SVEP1: variants seen among roughly 807,000 people sequenced by gnomAD.
SVEP1 encodes the protein sushi, von Willebrand factor type A, EGF and pentraxin domain-containing protein 1.
A neutral mutation model predicts 367.3 loss-of-function variants in SVEP1; 164 were observed. That is an observed-to-expected ratio of 0.45 (90% CI 0.39 to 0.51). The LOEUF is 0.51. SVEP1 is among the 20% of genes least tolerant of loss of function. The pLI, the probability that SVEP1 is intolerant of heterozygous loss-of-function variation, is 0.00. For missense variants in SVEP1, 4,117 were observed against 4,425.3 expected (o/e 0.93, Z 1.98); for synonymous variants, 1,666 against 1,611.6 (o/e 1.03, Z -0.81).
intron 37 of SVEP1, among the ~76,000 whole-genome samples, chr9:110,410,674 A>AT (rs996654096): frequency 2.0e-5 from 3 of 151,992 alleles, no homozygotes; most frequent in Non-Finnish European, 2.9e-5. Flanking sequence ...ATCTTCATTA[A>AT]TTTTTTTTCC....
At chr9:110,558,060 G>A (rs549140580) in intron 1 of SVEP1, among the ~76,000 whole-genome samples, 91 of 152,104 alleles carry the variant, frequency 6.0e-4, no homozygotes, top group African/African-American at 2.0e-3. Context: ...TATAATATGG[G>A]ACAGTGTAAA....
intron 47 of SVEP1, among the ~76,000 whole-genome samples, chr9:110,369,308 G>GAAATAAGA (rs1201530172): frequency 6.6e-6 from 1 of 152,040 alleles, no homozygotes; most frequent in Non-Finnish European, 1.5e-5. Flanking sequence ...TATCTGGTCA[G>GAAATAAGA]AAATAAGAAA....
rs71371668 is a variant in SVEP1, at chr9:110,434,666, T to TAAAAAAAAAAAAAAAAAAAAAAA, written c.4889-161_4889-160insTTTTTTTTTTTTTTTTTTTTTTT. Among the ~76,000 whole-genome samples the TAAAAAAAAAAAAAAAAAAAAAAA allele has an allele frequency of 2.7e-4, 11 of 40,618 alleles. 1 individual carries two copies. The highest frequency in any genetic ancestry group is 2.9e-4 in the Non-Finnish European group (7 of 23,972). The allele number at this position is 40,618 out of a possible 152,430, so 26.6% of individuals were successfully genotyped here. On this transcript the variant is annotated intron_variant, in intron 29 of 47. Transcript: ENST00000374469. ...CCAGATCACTGGCAAGCAAAATCAC[T>TAAAAAAAAAAAAAAAAAAAAAAA]AAAAAAAAAAAAAAAAAAAAGCATT...
At chr9:110,425,202 G>A (rs564436747) in intron 36 of SVEP1, among the ~76,000 whole-genome samples, 3 of 152,078 alleles carry the variant, frequency 2.0e-5, no homozygotes, top group Admixed American at 1.3e-4. Context: ...AAGACTACAC[G>A]TGGTAGTGAT....
chr9:110,473,249 CAT>C (rs771382031), intron 14 of SVEP1, among the ~76,000 whole-genome samples: 2 of 152,044 alleles, frequency 1.3e-5, no homozygotes, highest in Non-Finnish European at 1.5e-5. Flanking sequence ...GGATTAATAT[CAT>C]CTTTTTACTT....
At position 110,479,532 on chromosome 9, in the gene SVEP1, AAAG is replaced by A. The variant is rs1352672976; in HGVS notation, c.2487+100_2487+102del. ...AATATTAGGTACATGTCTGGATCAC[AAAG>A]AAGAGGGAAATAGGATGAGAAATCG... On this transcript the variant is annotated intron_variant, in intron 13 of 47. Coordinates refer to ENST00000374469, the MANE Select transcript of SVEP1 (RefSeq NM_153366.4). 211 of 1,372,802 alleles carry A rather than the reference AAAG, an allele frequency of 1.5e-4. 1 individual carries two copies. In the East Asian group the frequency reaches 5.2e-3, roughly 34 times the overall value. The allele number at this position is 1,372,802 out of a possible 1,614,324, so 85.0% of individuals were successfully genotyped here. A position where few individuals can be genotyped will look rare whatever the true frequency, so the allele number is the denominator to read the frequency against.
In SVEP1 at chr9:110,457,277, G is replaced by A; in HGVS notation, c.3652C>T (p.Leu1218Phe). 6.2e-7 allele frequency: 1 copy of A among 1,611,916 alleles called. No homozygotes were observed. Among genetic ancestry groups the A allele is most frequent in the Non-Finnish European group, 8.5e-7 (1 of 1,179,412 alleles). The change falls in exon 21 of 48, where the codon CTC becomes TTC. Residue 1218 changes from leucine to phenylalanine, a missense_variant. Physicochemically the swap from Leu to Phe is conservative, Grantham distance 22. Transcript: ENST00000374469. ...CQQLGRGYVC[L>F]CPLGYTGLKC... is the part of the protein sequence containing the mutation. ...TTACCTGTATATCCAAGTGGACAGA[G>A]ACAAACATAACCACGCCCAAGTTGC...
intron 35 of SVEP1, among the ~76,000 whole-genome samples, chr9:110,428,577 T>A (rs1828297887): frequency 6.6e-6 from 1 of 152,232 alleles, no homozygotes; most frequent in Non-Finnish European, 1.5e-5. Context: ...TTATGCTTCA[T>A]AAACTATTTT....
rs759581714 is a variant in SVEP1, at chr9:110,379,394, C to T, written c.10361G>A (p.Ser3454Asn). Residue 3454 changes from serine to asparagine, a missense_variant, in exon 44 of 48, where the codon AGT becomes AAT. By Grantham distance (46) the Ser-to-Asn change is conservative (BLOSUM62 1). This residue lies in a region of SVEP1 where 1,765 missense variants were observed against 1,781.1 expected (regional missense o/e 0.99). Coordinates refer to ENST00000374469, the MANE Select transcript of SVEP1 (RefSeq NM_153366.4). The part of the protein sequence containing the change: ...SGYMLEGFLR[S>N]VCLENGTWTS... ...CCATGTTCCATTTTCTAAACAAACA[C>T]TCCTCAGGAAACCCTCCAACATGTA... 6.2e-7 allele frequency: 1 copy of T among 1,613,824 alleles called. No individual in the cohort carries two copies. Among genetic ancestry groups the T allele is most frequent in the Non-Finnish European group, 8.5e-7 (1 of 1,179,792 alleles).
chr9:110,401,513 G>A (rs1433298376), intron 39 of SVEP1, among the ~76,000 whole-genome samples: 1 of 147,564 alleles, frequency 6.8e-6, no homozygotes, highest in African/African-American at 2.5e-5. Context: ...TTTTTGAAGG[G>A]GTCATGTAGA....
At chr9:110,395,257 T>G (rs1394983439) in intron 40 of SVEP1, among the ~76,000 whole-genome samples, 3 of 152,256 alleles carry the variant, frequency 2.0e-5, no homozygotes, top group African/African-American at 7.2e-5. Flanking sequence ...AAACTATGCT[T>G]CATAAGTGAA....
In SVEP1 at chr9:110,385,959, G is replaced by C; in HGVS notation, c.10176C>G (p.Gly3392=). The part of the protein sequence containing the change: ...IKCREGFLLQ[G]HGIITCNPDE... ...CGGGGTTGCAGGTAATGATGCCGTG[G>C]CCCTGCAGCAGAAAACCTTCCCTAC... Residue 3392 remains glycine, a synonymous_variant, in exon 43 of 48, where the codon GGC becomes GGG. Coordinates refer to ENST00000374469, the MANE Select transcript of SVEP1 (RefSeq NM_153366.4). 6.2e-7 allele frequency: 1 copy of C among 1,613,768 alleles called. No individual in the cohort carries two copies. Among genetic ancestry groups the C allele is most frequent in the Non-Finnish European group, 8.5e-7 (1 of 1,179,796 alleles).
At chr9:110,470,444 T>A (rs1001386714) in intron 16 of SVEP1, among the ~76,000 whole-genome samples, 6 of 152,154 alleles carry the variant, frequency 3.9e-5, no homozygotes, top group Non-Finnish European at 8.8e-5. Context: ...ATTTTATTTT[T>A]ATTTTTGAGA....
At chr9:110,479,525 G>T in intron 13 of SVEP1, 110 bp downstream of exon 13, 1 of 1,305,752 alleles carries the variant, frequency 7.7e-7, no homozygotes, top group Non-Finnish European at 1.0e-6. Flanking sequence ...GTACATGTCT[G>T]GATCACAAAG....
In SVEP1 at chr9:110,388,648, T is replaced by A. The variant is rs78982416; in HGVS notation, c.9886+876A>T. The stretch of plus-strand genomic sequence containing the variant: ...ACAGATCTTAACCTTGGCTGCACTT[T>A]GAAACCACATAGGGAGCTTTAAAAT... On this transcript the variant is annotated intron_variant, in intron 41 of 47. Coordinates refer to ENST00000374469, the MANE Select transcript of SVEP1 (RefSeq NM_153366.4). Among the ~76,000 whole-genome samples the A allele has an allele frequency of 6.1e-3, 922 of 152,256 alleles. 8 individuals are homozygous for A. The highest frequency in any genetic ancestry group is 0.021 in the African/African-American group (874 of 41,552).
chr9:110,367,900 G>A (rs965754999), intron 47 of SVEP1, among the ~76,000 whole-genome samples: 5 of 152,146 alleles, frequency 3.3e-5, no homozygotes, highest in African/African-American at 9.7e-5. Flanking sequence ...GGCCAACATA[G>A]TGAACCCTCA....
intron 18 of SVEP1, among the ~76,000 whole-genome samples, chr9:110,463,187 T>C (rs1184054483): frequency 6.9e-6 from 1 of 144,142 alleles, no homozygotes; most frequent in Non-Finnish European, 1.5e-5. Context: ...ACATCATCTT[T>C]TCTTCTCCTA....
intron 5 of SVEP1, among the ~76,000 whole-genome samples, chr9:110,509,605 T>C (rs998418068): frequency 6.6e-6 from 1 of 152,186 alleles, no homozygotes; most frequent in Non-Finnish European, 1.5e-5. Context: ...CCAACTCCTG[T>C]GTTCAAGTGA....
chr9:110,391,157 A>T (rs1378876351), intron 40 of SVEP1, among the ~76,000 whole-genome samples: 2 of 152,200 alleles, frequency 1.3e-5, no homozygotes, highest in Non-Finnish European at 2.9e-5. Flanking sequence ...TTCTTTAAAT[A>T]ATTCTGTTGA....
Sources: gnomAD v4.1 joint callset for allele counts (sites outside exome capture counted in the v4.1 genomes callset) on GRCh38, gnomAD v4.1.1 for gene constraint, gnomAD v4.1.1 regional missense constraint, MANE v1.5 for transcripts, NCBI Gene and HGNC (gene_info 2026-07-23, HGNC 2026-07-21) for gene names.